Variants in SCAI observed in about 807,000 individuals in gnomAD.
The protein encoded by SCAI is protein SCAI.
SCAI carries 24 observed loss-of-function variants against 92.2 expected under a neutral mutation model. That is an observed-to-expected ratio of 0.26 (90% CI 0.19 to 0.37). SCAI has a LOEUF of 0.37. SCAI is among the 10% of genes least tolerant of loss of function. SCAI has a pLI of 1.00. For missense variants in SCAI, 450 were observed against 736.2 expected (o/e 0.61, Z 4.50); for synonymous variants, 261 against 258.6 (o/e 1.01, Z -0.09).
At chr9:125,041,142 T>C (rs997510604) in intron 3 of SCAI, among the ~76,000 whole-genome samples, 7 of 152,216 alleles carry the variant, frequency 4.6e-5, no homozygotes, top group African/African-American at 1.4e-4. Context: ...TTAGCAAGTT[T>C]AAAACTGCAT....
intron 9 of SCAI, among the ~76,000 whole-genome samples, chr9:125,005,337 C>CGTGT (rs1374357112): frequency 6.6e-6 from 1 of 151,868 alleles, no homozygotes; most frequent in Non-Finnish European, 1.5e-5. Flanking sequence ...ATTTAATATA[C>CGTGT]GTGTGTGTGT....
chr9:124,961,128 T>TA (rs11382746), intron 17 of SCAI, among the ~76,000 whole-genome samples: 4,526 of 119,870 alleles, frequency 0.038, 211 homozygotes, highest in Admixed American at 0.1. Flanking sequence ...TGTCTCAAAT[T>TA]AAAAAAAAAA....
chr9:124,953,047 C>T (rs1490816996), intron 17 of SCAI, 94 bp from the exon 18 acceptor site: 2 of 957,234 alleles, frequency 2.1e-6, no homozygotes. Flanking sequence ...TATGTATTTT[C>T]ACTTTTATAC....
At chr9:125,004,754 TATATATATATATATATATATATA>T (rs1248345417) in intron 9 of SCAI, among the ~76,000 whole-genome samples, 19 of 10,960 alleles carry the variant, frequency 1.7e-3, no homozygotes, top group East Asian at 4.4e-3. Context: ...TATATATATA[TATATATATATATATATATATATA>T]TATTTTTTTT....
At chr9:125,109,305 T>C (rs532282694) in intron 2 of SCAI, among the ~76,000 whole-genome samples, 95 of 152,190 alleles carry the variant, frequency 6.2e-4, no homozygotes, top group Non-Finnish European at 1.0e-3. Flanking sequence ...ACTATTGTCC[T>C]ATGACCCTGC....
intron 2 of SCAI, among the ~76,000 whole-genome samples, chr9:125,079,363 T>A (rs1445846670): frequency 6.6e-6 from 1 of 152,216 alleles, no homozygotes; most frequent in African/African-American, 2.4e-5. Flanking sequence ...GTGAGCCTTT[T>A]TATTGCTTCA....
At position 125,052,397 on chromosome 9, in the gene SCAI, C is replaced by T. The variant is rs549420120; in HGVS notation, c.230+3479G>A. 5.3e-5 allele frequency among the ~76,000 whole-genome samples: 8 copies of T among 152,176 alleles called. No homozygotes were observed. The East Asian group carries it at 1.5e-3, about 29-fold the overall frequency. On this transcript the variant is annotated intron_variant, in intron 3 of 17. Coordinates refer to ENST00000336505, the MANE Select transcript of SCAI (RefSeq NM_001144877.3). ...ACCAGCCTGGCCAACATGGTGAAAT[C>T]CCGTTTCTACTAAAAATACAAAAAT...
rs148470846 is a variant in SCAI at position 124,974,149 on chromosome 9, G to A, written c.1399+1965C>T. 8.8e-4 allele frequency: 364 copies of A among 412,772 alleles called. 1 individual carries two copies. Among genetic ancestry groups the A allele is most frequent in the African/African-American group, 7.0e-3 (332 of 47,388 alleles). 25.6% of individuals were successfully genotyped at this position (412,772 alleles called of 1,614,324 possible). ...GTAACTGTGCTTGTCAGGTCATAGT[G>A]CTATCTCCAGTGCCCAGCACAGTAC... is the stretch of plus-strand genomic sequence containing the variant. On this transcript the variant is annotated intron_variant, in intron 15 of 17. Coordinates refer to ENST00000336505, the MANE Select transcript of SCAI (RefSeq NM_001144877.3).
intron 11 of SCAI, among the ~76,000 whole-genome samples, chr9:125,002,458 C>G (rs1362592414): frequency 7.3e-6 from 1 of 137,358 alleles, no homozygotes; most frequent in Non-Finnish European, 1.6e-5. Context: ...ATATAAGAAG[C>G]CTAGACACTC....
At chr9:125,117,034 A>C (rs1164257488) in intron 2 of SCAI, among the ~76,000 whole-genome samples, 1 of 152,208 alleles carries the variant, frequency 6.6e-6, no homozygotes, top group Non-Finnish European at 1.5e-5. Context: ...GCCTGCAGGA[A>C]TTCTATGCTG....
At chr9:125,108,114 G>A (rs1333801817) in intron 2 of SCAI, among the ~76,000 whole-genome samples, 3 of 152,262 alleles carry the variant, frequency 2.0e-5, no homozygotes, top group African/African-American at 7.2e-5. Flanking sequence ...GATTGCAGAC[G>A]GAGTCTCATT....
chr9:125,057,975 A>G (rs927113001), intron 2 of SCAI, among the ~76,000 whole-genome samples: 5 of 151,988 alleles, frequency 3.3e-5, no homozygotes, highest in Admixed American at 3.3e-4. Context: ...GTGCCTACTC[A>G]GCTACCTCAG....
At chr9:125,097,509 A>G (rs910324405) in intron 2 of SCAI, among the ~76,000 whole-genome samples, 2 of 152,136 alleles carry the variant, frequency 1.3e-5, no homozygotes, top group African/African-American at 4.8e-5. Context: ...AACTCCCCAA[A>G]GAGTTTAAAG....
At chr9:125,065,665 G>C (rs1833856453) in intron 2 of SCAI, among the ~76,000 whole-genome samples, 1 of 152,158 alleles carries the variant, frequency 6.6e-6, no homozygotes. Flanking sequence ...TCTCACTAAT[G>C]AGTATAGATA....
At chr9:125,065,785 C>T (rs1409791334) in intron 2 of SCAI, among the ~76,000 whole-genome samples, 1 of 152,126 alleles carries the variant, frequency 6.6e-6, no homozygotes, top group Non-Finnish European at 1.5e-5. Flanking sequence ...ATTTGAAAAT[C>T]AATCACTGTA....
chr9:125,071,448 G>C (rs1051565666), intron 2 of SCAI, among the ~76,000 whole-genome samples: 2 of 152,072 alleles, frequency 1.3e-5, no homozygotes, highest in Non-Finnish European at 2.9e-5. Flanking sequence ...AAATGCATAG[G>C]TACCAAACTT....
intron 12 of SCAI, 53 bp from the exon 13 acceptor site, chr9:125,000,043 C>A: frequency 4.0e-6 from 3 of 752,512 alleles, no homozygotes; most frequent in South Asian, 1.9e-5. Flanking sequence ...TAACACTGAC[C>A]TGATGTTCAA....
chr9:125,094,812 T>C (rs1206250389), intron 2 of SCAI, among the ~76,000 whole-genome samples: 3 of 152,188 alleles, frequency 2.0e-5, no homozygotes, highest in African/African-American at 7.2e-5. Context: ...AAAATTTATT[T>C]ATTATCTATC....
Position 124,947,840 on chromosome 9 carries a change from T to C in SCAI, c.*4967A>G, listed in dbSNP as rs963633582. 6.6e-6 allele frequency: 1 copy of C among 152,214 alleles called. No homozygotes were observed. The highest frequency in any genetic ancestry group is 2.4e-5 in the African/African-American group (1 of 41,456). 9.4% of individuals were successfully genotyped at this position (152,214 alleles called of 1,614,324 possible). On this transcript the variant is annotated 3_prime_UTR_variant, in exon 18 of 18. Coordinates refer to ENST00000336505, the MANE Select transcript of SCAI (RefSeq NM_001144877.3). The stretch of plus-strand genomic sequence containing the variant: ...CACCAGGAGACTCATAGCATTCATA[T>C]TCATATCAAATCTTTTACTCAGGGT...
Sources: allele counts gnomAD v4.1 joint callset (sites outside exome capture counted in the v4.1 genomes callset), GRCh38; gene constraint gnomAD v4.1.1; transcripts MANE v1.5; gene names NCBI Gene and HGNC (gene_info 2026-07-23, HGNC 2026-07-21).